Variants in CALU observed in about 807,000 individuals in gnomAD.
CALU encodes calumenin.
CALU carries 13 observed loss-of-function variants against 37.5 expected under a neutral mutation model. The ratio of observed to expected loss-of-function variants is 0.35; its 90% CI spans 0.23 to 0.55. CALU has a LOEUF of 0.55. CALU is among the 20% of genes least tolerant of loss of function. The pLI is 0.89. For missense variants in CALU, 282 were observed against 391.7 expected, an observed-to-expected ratio of 0.72 and a Z score of 2.36; for synonymous variants, 114 against 133.8, an observed-to-expected ratio of 0.85 and a Z score of 1.02.
intron 1 of CALU, among the ~76,000 whole-genome samples, chr7:128,744,343 C>T (rs1174257552): frequency 6.6e-6 from 1 of 152,048 alleles, no homozygotes; most frequent in African/African-American, 2.4e-5. Context: ...AACATACATG[C>T]TCCATACCAA....
intron 6 of CALU, among the ~76,000 whole-genome samples, chr7:128,768,614 G>T (rs1265242133): frequency 1.3e-5 from 2 of 152,004 alleles, no homozygotes; most frequent in Non-Finnish European, 2.9e-5. Context: ...CAAGGCAGGC[G>T]GATCACCTGA....
At chr7:128,744,983 A>G (rs201563544) in intron 1 of CALU, among the ~76,000 whole-genome samples, 3 of 152,340 alleles carry the variant, frequency 2.0e-5, no homozygotes, top group East Asian at 1.9e-4. Context: ...AAACCAATCT[A>G]TTACATTTCT....
At chr7:128,754,518 T>C in intron 3 of CALU, 63 bp downstream of exon 3, 2 of 1,586,798 alleles carry the variant, frequency 1.3e-6, no homozygotes, top group Non-Finnish European at 1.7e-6. Flanking sequence ...CGTAACTGTT[T>C]TGTCTTGTAG....
intron 6 of CALU, 144 bp from the exon 7 acceptor site, chr7:128,768,919 G>T (rs1176324885): frequency 3.8e-6 from 2 of 528,450 alleles, no homozygotes; most frequent in Admixed American, 6.6e-5. Flanking sequence ...TATGTAGGGG[G>T]AATGAGGGCT....
intron 1 of CALU, chr7:128,747,886 A>G (rs1427570267): frequency 6.4e-6 from 1 of 155,426 alleles, no homozygotes; most frequent in African/African-American, 2.4e-5. Context: ...TGCCTAGGCA[A>G]GTATGGGAAA....
chr7:128,765,560 T>G (rs1801298625), intron 5 of CALU, among the ~76,000 whole-genome samples: 1 of 152,268 alleles, frequency 6.6e-6, no homozygotes, highest in African/African-American at 2.4e-5. Flanking sequence ...GCAAGAACAT[T>G]GTGTATGTAA....
At chr7:128,763,486 G>A (rs564269405) in intron 5 of CALU, among the ~76,000 whole-genome samples, 17 of 152,160 alleles carry the variant, frequency 1.1e-4, no homozygotes, top group African/African-American at 3.6e-4. Flanking sequence ...AGCCGAGATC[G>A]CGCCACTGCA....
Position 128,757,776 on chromosome 7 carries a change from G to A in CALU, c.416-1095G>A, listed in dbSNP as rs1417070523. Among the ~76,000 whole-genome samples the A allele has an allele frequency of 6.6e-5, 10 of 151,958 alleles. No individual in the cohort carries two copies. In the East Asian group the frequency reaches 1.5e-3, roughly 23 times the overall value. Reference sequence around the variant, plus strand: ...AAGAATTTTATTTTCTGCAGTTAACGCCACATTTTTTCAGCTTAAAAAACT... The same window carrying A: ...AAGAATTTTATTTTCTGCAGTTAACACCACATTTTTTCAGCTTAAAAAACT... On this transcript the variant is annotated intron_variant, in intron 3 of 6. Transcript: ENST00000249364.
At chr7:128,761,360 G>A (rs1479453306) in intron 5 of CALU, 1 of 152,288 alleles carries the variant, frequency 6.6e-6, no homozygotes, top group East Asian at 1.9e-4. Context: ...GGCATACCCG[G>A]TTACTTGGGA....
At chr7:128,757,116 C>T (rs1185312099) in intron 3 of CALU, among the ~76,000 whole-genome samples, 1 of 151,936 alleles carries the variant, frequency 6.6e-6, no homozygotes, top group Non-Finnish European at 1.5e-5. Context: ...TCCTGTTTCC[C>T]TCCTTATATA....
rs1012831963 is a variant in CALU at position 128,768,847 on chromosome 7, C to CAAAAAA, written c.844-200_844-195dup. On this transcript the variant is annotated intron_variant, in intron 6 of 6. Coordinates refer to ENST00000249364, the MANE Select transcript of CALU (RefSeq NM_001219.5). ...GGGCAACAAGAGCGAAACTCCGTCT[C>CAAAAAA]AAAAAAAAAAAAAAAAAAAAACAAG... Among the ~76,000 whole-genome samples, 172 of 55,172 alleles carry CAAAAAA rather than the reference C, an allele frequency of 3.1e-3. 15 individuals carry two copies. The highest frequency in any genetic ancestry group is 0.011 in the African/African-American group (123 of 11,568). The allele number at this position is 55,172 out of a possible 152,430, so 36.2% of individuals were successfully genotyped here.
intron 3 of CALU, among the ~76,000 whole-genome samples, chr7:128,755,856 C>T (rs1800863264): frequency 1.3e-5 from 2 of 152,128 alleles, no homozygotes; most frequent in African/African-American, 4.8e-5. Context: ...AATTAGGCAA[C>T]CTTCTGGGTT....
At chr7:128,742,851 CATACTA>C (rs1800291612) in intron 1 of CALU, among the ~76,000 whole-genome samples, 1 of 152,122 alleles carries the variant, frequency 6.6e-6, no homozygotes, top group African/African-American at 2.4e-5. Flanking sequence ...TTATTGGTGA[CATACTA>C]ATACTACAAA....
Position 128,754,475 on chromosome 7 carries a change from G to A in CALU, c.415+20G>A. ...TTTTAGGTAGGTCCCTACTGTCTGG[G>A]GGAAAAAGCCTTGTGGAGCTGGCAC... On this transcript the variant is annotated intron_variant, in intron 3 of 6. Coordinates refer to ENST00000249364, the MANE Select transcript of CALU (RefSeq NM_001219.5). The A allele has an allele frequency of 6.2e-7, 1 of 1,608,558 alleles. No individual in the cohort carries two copies. Among genetic ancestry groups the A allele is most frequent in the Admixed American group, 1.7e-5 (1 of 59,108 alleles).
intron 1 of CALU, among the ~76,000 whole-genome samples, chr7:128,744,551 C>G (rs17396823): frequency 0.3 from 45,265 of 151,818 alleles, 7,948 homozygotes; most frequent in Non-Finnish European, 0.41. Context: ...TCATTCCTCC[C>G]TGCAGAAAGA....
intron 5 of CALU, among the ~76,000 whole-genome samples, chr7:128,766,953 G>A (rs942539859): frequency 6.6e-6 from 1 of 152,116 alleles, no homozygotes; most frequent in Non-Finnish European, 1.5e-5. Context: ...TCTATATGTG[G>A]AACTGAGTAT....
intron 5 of CALU, among the ~76,000 whole-genome samples, chr7:128,766,115 G>A (rs1183242754): frequency 2.0e-5 from 3 of 151,900 alleles, no homozygotes; most frequent in African/African-American, 2.4e-5. Context: ...GGGCCAGCAC[G>A]CCCGGCTAAT....
intron 1 of CALU, among the ~76,000 whole-genome samples, chr7:128,741,482 CAACTT>C (rs752755394): frequency 6.6e-5 from 10 of 152,276 alleles, no homozygotes; most frequent in East Asian, 3.9e-4. Context: ...GCTAAGGAGA[CAACTT>C]AAGGTAACCT....
intron 1 of CALU, chr7:128,747,724 G>A (rs1209294131): frequency 1.3e-5 from 2 of 152,068 alleles, no homozygotes; most frequent in African/African-American, 2.4e-5. Context: ...TGTGTACTCT[G>A]CAGCTTCTTT....
Sources: gnomAD v4.1 joint callset for allele counts (sites outside exome capture counted in the v4.1 genomes callset) on GRCh38, gnomAD v4.1.1 for gene constraint, MANE v1.5 for transcripts, NCBI Gene and HGNC (gene_info 2026-07-23, HGNC 2026-07-21) for gene names.